The following CEP128 variants were observed in gnomAD, a reference collection of about 807,000 sequenced individuals.
CEP128 encodes centrosomal protein 128kDa.
In CEP128, 132 loss-of-function variants were observed where a neutral mutation model predicts 156.7. The ratio of observed to expected loss-of-function variants is 0.84; its 90% confidence interval spans 0.73 to 0.97. CEP128 has a LOEUF of 0.97. CEP128 is among the 50% of genes least tolerant of loss of function. CEP128 has a pLI of 0.00. For missense variants in CEP128, 1,252 were observed against 1,281.9 expected (o/e 0.98, Z 0.36); for synonymous variants, 469 against 448.9 (o/e 1.04, Z -0.57).
intron 19 of CEP128, among the ~76,000 whole-genome samples, chr14:80,617,484 C>A (rs1375869636): frequency 6.6e-6 from 1 of 152,024 alleles, no homozygotes; most frequent in African/African-American, 2.4e-5. Context: ...ATCCGCCGGC[C>A]TCGGCCTCCC....
rs552292521 is a variant in CEP128, at chr14:80,767,076, G to A, written c.2377-5463C>T. ...TCCTGAACAAAAATTGGATCTGTCT[G>A]GAAACCATTTATCTGACTCTCTAAA... On this transcript the variant is annotated intron_variant, in intron 16 of 24. Transcript: ENST00000555265. Among the ~76,000 whole-genome samples the A allele has an allele frequency of 2.0e-5, 3 of 152,176 alleles. No individual in the cohort carries two copies. In the East Asian group the frequency reaches 5.8e-4, roughly 29 times the overall value.
chr14:80,738,832 C>T (rs907037220), intron 19 of CEP128, among the ~76,000 whole-genome samples: 1 of 152,116 alleles, frequency 6.6e-6, no homozygotes, highest in African/African-American at 2.4e-5. Context: ...ACTAGGGTGC[C>T]TAAGTCTCCA....
chr14:80,729,056 GGGGTGTGTGTGTGT>G (rs1345984781), intron 19 of CEP128, among the ~76,000 whole-genome samples: 928 of 88,194 alleles, frequency 0.011, 29 homozygotes, highest in South Asian at 0.023. Context: ...TGGGCTGGTG[GGGGTGTGTGTGTGT>G]GTGTGTGTGT....
intron 14 of CEP128, among the ~76,000 whole-genome samples, chr14:80,484,212 A>G (rs1887112016): frequency 6.6e-6 from 1 of 152,210 alleles, no homozygotes; most frequent in African/African-American, 2.4e-5. Flanking sequence ...TCCTGAGCTC[A>G]AGCAATCTGC....
At chr14:80,580,260 T>C (rs1454958960) in intron 20 of CEP128, 114 bp downstream of exon 20, 6 of 639,250 alleles carry the variant, frequency 9.4e-6, no homozygotes, top group Non-Finnish European at 1.6e-5. Context: ...AGTTCTGACA[T>C]TGTCCTTGTC....
chr14:80,727,418 G>A (rs1370400432), intron 19 of CEP128, among the ~76,000 whole-genome samples: 1 of 152,070 alleles, frequency 6.6e-6, no homozygotes, highest in East Asian at 1.9e-4. Flanking sequence ...AAATCTTAAT[G>A]CAATATTTTG....
chr14:80,810,160 A>G (rs1884424057), intron 13 of CEP128, among the ~76,000 whole-genome samples: 1 of 151,716 alleles, frequency 6.6e-6, no homozygotes, highest in African/African-American at 2.4e-5. Flanking sequence ...CGTCTTTACT[A>G]AAAATACAAA....
At chr14:80,852,435 G>GA (rs944802299) in intron 9 of CEP128, among the ~76,000 whole-genome samples, 49 of 151,474 alleles carry the variant, frequency 3.2e-4, no homozygotes, top group African/African-American at 1.1e-3. Context: ...TAAAAAAGCA[G>GA]AAAAATCAAT....
chr14:80,795,035 G>C (rs1416642390), intron 13 of CEP128, among the ~76,000 whole-genome samples: 2 of 152,140 alleles, frequency 1.3e-5, no homozygotes, highest in Non-Finnish European at 2.9e-5. Context: ...TCAGTGAAAA[G>C]TAACCAACAT....
chr14:80,932,888 AAATAAT>A (rs144739406), intron 2 of CEP128, among the ~76,000 whole-genome samples: 1 of 151,654 alleles, frequency 6.6e-6, no homozygotes, highest in African/African-American at 2.4e-5. Flanking sequence ...TATTGAAACC[AAATAAT>A]AATAATAATA....
chr14:80,900,077 T>TAAA, intron 6 of CEP128, 48 bp from the exon 7 acceptor site: 5 of 1,218,866 alleles, frequency 4.1e-6, no homozygotes, highest in Non-Finnish European at 6.0e-6. Context: ...TGTTGAATTC[T>TAAA]TCCATGAAGA....
At chr14:80,637,020 A>G (rs1446137521) in intron 19 of CEP128, among the ~76,000 whole-genome samples, 1 of 151,510 alleles carries the variant, frequency 6.6e-6, no homozygotes, top group Non-Finnish European at 1.5e-5. Context: ...CAGGAGGCGG[A>G]GGTTGTGGTG....
intron 16 of CEP128, among the ~76,000 whole-genome samples, chr14:80,774,509 G>A (rs1900681905): frequency 6.6e-6 from 1 of 152,038 alleles, no homozygotes; most frequent in African/African-American, 2.4e-5. Flanking sequence ...TTCCTTCATT[G>A]AAAACATATT....
At chr14:80,794,664 C>T (rs1347426046) in intron 13 of CEP128, among the ~76,000 whole-genome samples, 3 of 152,100 alleles carry the variant, frequency 2.0e-5, no homozygotes, top group Non-Finnish European at 1.5e-5. Context: ...TCCTGTTCAT[C>T]AAGCATATGG....
Position 80,754,587 on chromosome 14 carries a change from C to CA in CEP128, c.2613+2304_2613+2305insT, listed in dbSNP as rs1326065409. Among the ~76,000 whole-genome samples, 1,239 of 151,614 alleles carry CA rather than the reference C, an allele frequency of 8.2e-3. 19 individuals carry two copies. Among genetic ancestry groups the CA allele is most frequent in the African/African-American group, 0.028 (1,138 of 41,248 alleles). On this transcript the variant is annotated intron_variant, in intron 18 of 24. Coordinates refer to ENST00000555265, the MANE Select transcript of CEP128 (RefSeq NM_152446.5). ...AAGCAATTTGCCTGCCTCAGCCTCC[C>CA]GAGTAGCTGGGACTGCAGGCACGTG...
intron 13 of CEP128, among the ~76,000 whole-genome samples, chr14:80,804,586 C>T (rs1011878430): frequency 1.8e-4 from 27 of 152,080 alleles, no homozygotes; most frequent in African/African-American, 2.4e-4. Context: ...TGAATATAAA[C>T]GCTGCATCTA....
chr14:80,847,866 C>A (rs754619637), intron 9 of CEP128, among the ~76,000 whole-genome samples: 4 of 152,150 alleles, frequency 2.6e-5, no homozygotes, highest in South Asian at 2.1e-4. Flanking sequence ...TAGTCCCCAG[C>A]GCAGTACCTG....
intron 12 of CEP128, among the ~76,000 whole-genome samples, chr14:80,835,495 A>G (rs965505070): frequency 6.6e-6 from 1 of 152,160 alleles, no homozygotes. Context: ...AATTTCACCA[A>G]TACTTTGAGC....
At chr14:80,604,517 C>G (rs1892702679) in intron 19 of CEP128, among the ~76,000 whole-genome samples, 1 of 152,098 alleles carries the variant, frequency 6.6e-6, no homozygotes. Flanking sequence ...ATTGCAACAT[C>G]TCCTAGCATT....
Sources: gnomAD v4.1 joint callset for allele counts (sites outside exome capture counted in the v4.1 genomes callset) on GRCh38, gnomAD v4.1.1 for gene constraint, MANE v1.5 for transcripts, NCBI Gene and HGNC (gene_info 2026-07-23, HGNC 2026-07-21) for gene names.